COL11A2: variants seen among roughly 807,000 people sequenced by gnomAD.
COL11A2 encodes the protein collagen type XI alpha 2 chain.
A neutral mutation model predicts 273.4 loss-of-function variants in COL11A2; 116 were observed. The observed-to-expected ratio is 0.42, with a 90% CI of 0.36 to 0.49. The LOEUF (loss-of-function observed/expected upper bound fraction) is 0.49. Ranked by LOEUF, COL11A2 falls within the 20% of genes least tolerant of loss-of-function variation. The pLI, the probability that COL11A2 is intolerant of heterozygous loss-of-function variation, is 0.00. For synonymous variants in COL11A2, 782 were observed against 864.2 expected (o/e 0.90, Z 1.67); for missense variants, 1,866 against 2,309.0 (o/e 0.81, Z 3.93).
rs930744107 is a variant in COL11A2, at chr6:33,178,038, G to A, written c.1872+94C>T. On this transcript the variant is annotated intron_variant, in intron 21 of 65. Transcript: ENST00000341947. This position sits in a 1 kb window ranked among gnomAD's most constrained non-coding sequence, Gnocchi z 4.6. ...GCTCACAGGGAATGGGAAGCATGCC[G>A]AGAGAGGAGAGGGAGCAGGAAGGCA... The A allele has an allele frequency of 3.2e-5, 42 of 1,300,952 alleles. No homozygotes were observed. Among genetic ancestry groups the A allele is most frequent in the East Asian group, 6.9e-5 (3 of 43,238 alleles). 80.6% of individuals were successfully genotyped at this position (1,300,952 alleles called of 1,614,324 possible).
chr6:33,167,578 G>GGTGT lies in COL11A2; in HGVS notation c.4015-49_4015-46dup, dbSNP rs1324718530. ...TGTGTCCTGAATGGCAGAGGAGTGGGGTGTGGGCAGGGGGCAGAGGGTCCA... is the reference window on the plus strand; with the variant it reads ...TGTGTCCTGAATGGCAGAGGAGTGGGGTGTGTGTGGGCAGGGGGCAGAGGGTCCA... On this transcript the variant is annotated intron_variant, in intron 55 of 65. Coordinates refer to ENST00000341947, the MANE Select transcript of COL11A2 (RefSeq NM_080680.3). This position sits in a 1 kb window ranked among gnomAD's most constrained non-coding sequence, Gnocchi z 6.1. 3.7e-6 allele frequency: 6 copies of GGTGT among 1,602,908 alleles called. No homozygotes were observed. The highest frequency in any genetic ancestry group is 3.3e-5 in the South Asian group (3 of 90,264).
chr6:33,168,354 A>G (rs1425908275), intron 54 of COL11A2, among the ~76,000 whole-genome samples, 165 bp downstream of exon 54: 1 of 150,528 alleles, frequency 6.6e-6, no homozygotes, highest in East Asian at 2.0e-4. Flanking sequence ...GCCCCGGGCA[A>G]TGAGATACCA....
chr6:33,166,445 T>C lies in COL11A2; in HGVS notation c.4392+68A>G. On this transcript the variant is annotated intron_variant, in intron 60 of 65. Coordinates refer to ENST00000341947, the MANE Select transcript of COL11A2 (RefSeq NM_080680.3). The surrounding 1 kb of genome is among the most constrained non-coding windows in gnomAD (Gnocchi z 4.8). ...TAGGCTGGTAGTTCCATGGAAGTCG[T>C]TGGGAGGCTGTGGGTGGGCAGCAGA... is the stretch of plus-strand genomic sequence containing the variant. 1 of 1,556,690 alleles carries C rather than the reference T, an allele frequency of 6.4e-7. No individual in the cohort carries two copies. Among genetic ancestry groups the C allele is most frequent in the Non-Finnish European group, 8.8e-7 (1 of 1,138,898 alleles).
In COL11A2 at chr6:33,162,714, A is replaced by G. The variant is rs1768525454; in HGVS notation, c.*964T>C. 1 of 152,968 alleles carries G rather than the reference A, an allele frequency of 6.5e-6. No homozygotes were observed. Among genetic ancestry groups the G allele is most frequent in the Non-Finnish European group, 1.5e-5 (1 of 68,202 alleles). 9.5% of individuals were successfully genotyped at this position (152,968 alleles called of 1,614,324 possible). ...ACACCTGGGAGGAGACAATCACATT[A>G]TTTAACCATCAGTCAGCATGGAAGC... is the stretch of plus-strand genomic sequence containing the variant. On this transcript the variant is annotated 3_prime_UTR_variant, in exon 66 of 66. Coordinates refer to ENST00000341947, the MANE Select transcript of COL11A2 (RefSeq NM_080680.3). This position sits in a 1 kb window ranked among gnomAD's most constrained non-coding sequence, Gnocchi z 4.9.
In COL11A2 at chr6:33,165,564, G is replaced by C. The variant is rs1768986350; in HGVS notation, c.4735C>G (p.Pro1579Ala). 1.2e-6 allele frequency: 2 copies of C among 1,613,142 alleles called. No individual in the cohort carries two copies. The highest frequency in any genetic ancestry group is 1.1e-5 in the South Asian group (1 of 91,074). ...TAGCACTGACCATCGGGAAGCTCTG[G>C]GTGGCACAGCTTCAGGTCCTGGCAG... ...RTCQDLKLCH[P>A]ELPDGEYWVD... is the part of the protein sequence containing the mutation. The change falls in exon 63 of 66, where the codon CCA (proline) becomes GCA (alanine). Residue 1579 changes from proline to alanine, a missense_variant. By Grantham distance (27) the Pro-to-Ala change is conservative. Coordinates refer to ENST00000341947, the MANE Select transcript of COL11A2 (RefSeq NM_080680.3). This position sits in a 1 kb window ranked among gnomAD's most constrained non-coding sequence, Gnocchi z 7.7.
At position 33,176,998 on chromosome 6, in the gene COL11A2, T is replaced by C. The variant is rs753871660; in HGVS notation, c.2064A>G (p.Gly688=). ...PGLPGMPGSD[G]PPGHPGKEGP... ...GAAGTGGGGTCCCACTCACCGGGGG[T>C]CCGTCTGAGCCAGGCATGCCGGGGA... Residue 688 remains glycine, a synonymous_variant, in exon 25 of 66, where the codon GGA becomes GGG. Coordinates refer to ENST00000341947, the MANE Select transcript of COL11A2 (RefSeq NM_080680.3). This position sits in a 1 kb window ranked among gnomAD's most constrained non-coding sequence, Gnocchi z 4.9. 221 of 1,611,062 alleles carry C rather than the reference T, an allele frequency of 1.4e-4. No homozygotes were observed. The highest frequency in any genetic ancestry group is 7.5e-4 in the African/African-American group (56 of 74,870).
intron 9 of COL11A2, 47 bp downstream of exon 9, chr6:33,181,064 G>T (rs1175135465): frequency 6.2e-7 from 1 of 1,614,042 alleles, no homozygotes; most frequent in South Asian, 1.1e-5. Flanking sequence ...AACCCCACTT[G>T]CTTCTCCTAT....
intron 6 of COL11A2, 128 bp from the exon 7 acceptor site, chr6:33,185,182 A>G: frequency 1.4e-6 from 1 of 737,780 alleles, no homozygotes; most frequent in Non-Finnish European, 2.4e-6. Flanking sequence ...GATGGGGGAA[A>G]TCTCAGATCT....
At chr6:33,186,872 A>T in intron 4 of COL11A2, 54 bp from the exon 5 acceptor site, 3 of 1,610,078 alleles carry the variant, frequency 1.9e-6, no homozygotes, top group Non-Finnish European at 2.5e-6. Flanking sequence ...GGCAGAGGGT[A>T]TCATCCGGGA....
In COL11A2 at chr6:33,190,469, C is replaced by A. The variant is rs961351312; in HGVS notation, c.83-1000G>T. Among the ~76,000 whole-genome samples, 1 of 152,210 alleles carries A rather than the reference C, an allele frequency of 6.6e-6. No individual in the cohort carries two copies. The highest frequency in any genetic ancestry group is 1.5e-5 in the Non-Finnish European group (1 of 68,038). On this transcript the variant is annotated intron_variant, in intron 1 of 65. Coordinates refer to ENST00000341947, the MANE Select transcript of COL11A2 (RefSeq NM_080680.3). The surrounding 1 kb of genome is among the most constrained non-coding windows in gnomAD (Gnocchi z 4.5). ...CTGGAAAACAAAAGATCACCTTGCC[C>A]TCACTTGCTCCCCTATACACATACT... is the stretch of plus-strand genomic sequence containing the variant.
chr6:33,177,107 C>T lies in COL11A2; in HGVS notation c.2017-62G>A. ...GGTCATGTCTGGACACAGACAAAAT[C>T]CCAGCAGACATTTAGGGTTCTCCCT... On this transcript the variant is annotated intron_variant, in intron 24 of 65. Transcript: ENST00000341947. The surrounding 1 kb of genome is among the most constrained non-coding windows in gnomAD (Gnocchi z 5.9). 6.2e-7 allele frequency: 1 copy of T among 1,612,574 alleles called. No homozygotes were observed.
In COL11A2 at chr6:33,165,510, G is replaced by T; in HGVS notation, c.4750+39C>A. On this transcript the variant is annotated intron_variant, in intron 63 of 65. Coordinates refer to ENST00000341947, the MANE Select transcript of COL11A2 (RefSeq NM_080680.3). This position sits in a 1 kb window ranked among gnomAD's most constrained non-coding sequence, Gnocchi z 7.7. ...ATTCTGCTTGTTCAGTACCCATGCT[G>T]TTGGGGAGATGTTTGTGCACCCTGA... 6.2e-7 allele frequency: 1 copy of T among 1,607,624 alleles called. No homozygotes were observed.
intron 30 of COL11A2, 102 bp from the exon 31 acceptor site, chr6:33,174,682 C>A (rs1292886026): frequency 9.3e-7 from 1 of 1,070,742 alleles, no homozygotes; most frequent in Non-Finnish European, 1.4e-6. Context: ...CCCCACCCAG[C>A]AACACACCCC....
Position 33,178,514 on chromosome 6 carries a change from G to T in COL11A2, c.1720-26C>A. 2 of 1,612,902 alleles carry T rather than the reference G, an allele frequency of 1.2e-6. No homozygotes were observed. The highest frequency in any genetic ancestry group is 1.7e-6 in the Non-Finnish European group (2 of 1,179,932). ...CTGCAAAATGGGGGAACTCATAAGA[G>T]GGGCTTCAGAGCCCCCAACACAGGC... On this transcript the variant is annotated intron_variant, in intron 18 of 65. Coordinates refer to ENST00000341947, the MANE Select transcript of COL11A2 (RefSeq NM_080680.3). This position sits in a 1 kb window ranked among gnomAD's most constrained non-coding sequence, Gnocchi z 4.6.
rs780556677 is a variant in COL11A2 at position 33,178,797 on chromosome 6, C to A, written c.1666-65G>T. 10 of 1,606,188 alleles carry A rather than the reference C, an allele frequency of 6.2e-6. No homozygotes were observed. The highest frequency in any genetic ancestry group is 8.5e-6 in the Non-Finnish European group (10 of 1,173,834). ...TGTCCAAGCCCACCCCTCCCTACTG[C>A]ACCCTGAGCTGGGGGGGTGCTGATC... On this transcript the variant is annotated intron_variant, in intron 17 of 65. Coordinates refer to ENST00000341947, the MANE Select transcript of COL11A2 (RefSeq NM_080680.3). This position sits in a 1 kb window ranked among gnomAD's most constrained non-coding sequence, Gnocchi z 4.6.
In COL11A2 at chr6:33,166,610, C is replaced by A. The variant is rs1331966140; in HGVS notation, c.4339-44G>T. ...GGTTCAACTGGGTCCTCCTCCCACA[C>A]CCTCCTGAGCACCTGCTCGCTTACC... On this transcript the variant is annotated intron_variant, in intron 59 of 65. Coordinates refer to ENST00000341947, the MANE Select transcript of COL11A2 (RefSeq NM_080680.3). This position sits in a 1 kb window ranked among gnomAD's most constrained non-coding sequence, Gnocchi z 4.8. 3.1e-6 allele frequency: 5 copies of A among 1,612,654 alleles called. No individual in the cohort carries two copies. Among genetic ancestry groups the A allele is most frequent in the Non-Finnish European group, 4.2e-6 (5 of 1,179,148 alleles).
At chr6:33,188,944 G>A (rs1772746957) in intron 3 of COL11A2, 34 bp downstream of exon 3, 1 of 1,611,118 alleles carries the variant, frequency 6.2e-7, no homozygotes, top group Non-Finnish European at 8.5e-7. Flanking sequence ...CTGAAAGTGT[G>A]GGCCAGGCAG....
At position 33,165,813 on chromosome 6, in the gene COL11A2, G is replaced by A. The variant is rs762861658; in HGVS notation, c.4486C>T (p.Pro1496Ser). 6.2e-7 allele frequency: 1 copy of A among 1,613,542 alleles called. No individual in the cohort carries two copies. The highest frequency in any genetic ancestry group is 8.5e-7 in the Non-Finnish European group (1 of 1,180,012). ...GVQGPPGHPG[P>S]PGEVIQPLPI... ...AGTGGCTGGATCACCTCGCCTGGGG[G>A]ACCCTGGGTGCAGGGACAGATGGAG... The change falls in exon 63 of 66, where the codon CCC becomes TCC. Residue 1496 changes from proline (P) to serine (S), a missense_variant. By Grantham distance (74) the Pro-to-Ser change is moderately conservative. Coordinates refer to ENST00000341947, the MANE Select transcript of COL11A2 (RefSeq NM_080680.3). The surrounding 1 kb of genome is among the most constrained non-coding windows in gnomAD (Gnocchi z 7.7).
chr6:33,184,416 C>T, intron 7 of COL11A2, 92 bp from the exon 8 acceptor site: 1 of 860,938 alleles, frequency 1.2e-6, no homozygotes, highest in East Asian at 5.4e-5. Flanking sequence ...AACTTCTAGC[C>T]CAAAGGATTC....
Sources: gnomAD v4.1 joint callset for allele counts (sites outside exome capture counted in the v4.1 genomes callset) on GRCh38, gnomAD v4.1.1 for gene constraint, Gnocchi (gnomAD v3.1) non-coding constraint, MANE v1.5 for transcripts, NCBI Gene and HGNC (gene_info 2026-07-23, HGNC 2026-07-21) for gene names.